PLS3: variants seen among roughly 807,000 people sequenced by gnomAD.
The protein encoded by PLS3 is plastin 3.
A neutral mutation model predicts 46.5 loss-of-function variants in PLS3; 11 were observed. The ratio of observed to expected loss-of-function variants is 0.24; its 90% CI spans 0.15 to 0.39. PLS3 has a LOEUF of 0.39. Among genes scored for constraint, PLS3 ranks in the 10% least tolerant of loss-of-function variants. The pLI, the probability that PLS3 is intolerant of heterozygous loss-of-function variation, is 1.00. For missense variants in PLS3, 308 were observed against 461.8 expected, an observed-to-expected ratio of 0.67 and a Z score of 3.05; for synonymous variants, 167 against 162.2, an observed-to-expected ratio of 1.03 and a Z score of -0.22.
At chrX:115,599,127 T>A (rs1453326570) in intron 1 of PLS3, among the ~76,000 whole-genome samples, 1 of 110,313 alleles carries the variant, frequency 9.1e-6, no homozygotes, top group African/African-American at 3.3e-5. Flanking sequence ...TAAGTTATTT[T>A]CCAAAGGCTA....
chrX:115,637,010 G>T, intron 8 of PLS3, 32 bp downstream of exon 8: 1 of 1,168,140 alleles, frequency 8.6e-7, no homozygotes, highest in Non-Finnish European at 1.2e-6. Flanking sequence ...ACATTTTGGG[G>T]GGATATAATA....
chrX:115,647,603 A>C lies in PLS3; in HGVS notation c.1565A>C (p.Asp522Ala). The C allele has an allele frequency of 8.4e-7, 1 of 1,196,783 alleles. No homozygotes were observed. Among genetic ancestry groups the C allele is most frequent in the Non-Finnish European group, 1.1e-6 (1 of 881,773 alleles). ...GGAGATGGTCAGAAAGCCAATGACGACATCATTGTGAACTGGGTGAACAGA... is the reference window on the plus strand; with the variant it reads ...GGAGATGGTCAGAAAGCCAATGACGCCATCATTGTGAACTGGGTGAACAGA... ...DLGDGQKAND[D>A]IIVNWVNRTL... The change falls in exon 14 of 16, where the codon GAC becomes GCC. Residue 522 changes from aspartate to alanine, a missense_variant. This residue lies in a region of PLS3 where 271 missense variants were observed against 435.7 expected (regional missense o/e 0.62). Coordinates refer to ENST00000355899, the MANE Select transcript of PLS3 (RefSeq NM_005032.7).
chrX:115,634,928 T>C lies in PLS3; in HGVS notation c.630T>C (p.His210=), dbSNP rs1308669620. ...ACTCTGCTTCTGCCATTGGGTGTCA[T>C]GTTGTGAACATTGGTGCAGAAGATT... ...ALNSASAIGC[H]VVNIGAEDLR... is the part of the protein sequence containing the mutation. Residue 210 remains histidine, a synonymous_variant, in exon 7 of 16, where the codon CAT becomes CAC. Coordinates refer to ENST00000355899, the MANE Select transcript of PLS3 (RefSeq NM_005032.7). 2 of 1,209,104 alleles carry C rather than the reference T, an allele frequency of 1.7e-6. No individual in the cohort carries two copies. Among genetic ancestry groups the C allele is most frequent in the East Asian group, 3.0e-5 (1 of 33,753 alleles).
At position 115,644,987 on chromosome X, in the gene PLS3, A is replaced by G. The variant is rs782187635; in HGVS notation, c.1184-34A>G. 19 of 886,220 alleles carry G rather than the reference A, an allele frequency of 2.1e-5. No homozygotes were observed. The South Asian group carries it at 3.0e-4, about 14-fold the overall frequency. 73.0% of individuals were successfully genotyped at this position (886,220 alleles called of 1,213,427 possible). A position where few individuals can be genotyped will look rare whatever the true frequency, so the allele number is the denominator to read the frequency against. ...TATATGCACATACATAAAGTGTTTA[A>G]TGAATCAGTAAATTTTGTGAATATT... On this transcript the variant is annotated intron_variant, in intron 10 of 15. Coordinates refer to ENST00000355899, the MANE Select transcript of PLS3 (RefSeq NM_005032.7).
At chrX:115,588,154 A>G (rs782093262) in intron 1 of PLS3, among the ~76,000 whole-genome samples, 2 of 112,695 alleles carry the variant, frequency 1.8e-5, no homozygotes, top group Non-Finnish European at 3.7e-5. Context: ...ACAGACAAAT[A>G]GATTTTGAAA....
At chrX:115,588,700 T>C (rs1556632730) in intron 1 of PLS3, among the ~76,000 whole-genome samples, 1 of 110,887 alleles carries the variant, frequency 9.0e-6, no homozygotes. Flanking sequence ...GTTTCCCTCC[T>C]TATCCCTTTG....
chrX:115,595,587 G>T (rs1556633720), intron 1 of PLS3, among the ~76,000 whole-genome samples: 1 of 110,144 alleles, frequency 9.1e-6, no homozygotes. Flanking sequence ...TGGGTTTATG[G>T]GTGTTTTTTG....
At chrX:115,613,249 A>G (rs1366500040) in intron 2 of PLS3, among the ~76,000 whole-genome samples, 1 of 111,441 alleles carries the variant, frequency 9.0e-6, no homozygotes, top group Non-Finnish European at 1.9e-5. Context: ...GGTTTCTTAA[A>G]TGACTAGGAA....
At chrX:115,625,411 T>A (rs782650043) in intron 3 of PLS3, among the ~76,000 whole-genome samples, 1 of 110,674 alleles carries the variant, frequency 9.0e-6, no homozygotes, top group African/African-American at 3.3e-5. Context: ...CCCTGCTTTT[T>A]AAAATTCTAA....
intron 8 of PLS3, 148 bp downstream of exon 8, chrX:115,637,126 C>A: frequency 4.0e-6 from 2 of 506,163 alleles, no homozygotes; most frequent in Non-Finnish European, 3.2e-6. Flanking sequence ...AGTAATAGAG[C>A]CAGATAAGGT....
chrX:115,575,520 T>C lies in PLS3; in HGVS notation c.-9+14260T>C, dbSNP rs912428229. On this transcript the variant is annotated intron_variant, in intron 1 of 15. Coordinates refer to ENST00000355899, the MANE Select transcript of PLS3 (RefSeq NM_005032.7). ...GTGCAGTGGCACCATCTCGGCTCAC[T>C]GCAAGCTCCGCCTCCCGGGTTCACG... Among the ~76,000 whole-genome samples, 13 of 112,049 alleles carry C rather than the reference T, an allele frequency of 1.2e-4. No homozygotes were observed. In the East Asian group the frequency reaches 3.7e-3, roughly 32 times the overall value.
At chrX:115,641,225 C>CTTTTT (rs35431475) in intron 9 of PLS3, among the ~76,000 whole-genome samples, 14 of 82,379 alleles carry the variant, frequency 1.7e-4, no homozygotes, top group Non-Finnish European at 2.5e-4. Flanking sequence ...TCTTCTCTTT[C>CTTTTT]TTTTTTTTTT....
At chrX:115,604,902 A>G (rs1556635083) in intron 1 of PLS3, among the ~76,000 whole-genome samples, 1 of 112,050 alleles carries the variant, frequency 8.9e-6, no homozygotes, top group African/African-American at 3.2e-5. Context: ...GACACCATCA[A>G]GTACCTATGA....
At chrX:115,586,862 G>A (rs1488866879) in intron 1 of PLS3, among the ~76,000 whole-genome samples, 2 of 111,409 alleles carry the variant, frequency 1.8e-5, no homozygotes, top group African/African-American at 3.3e-5. Context: ...CAGTTCAAAA[G>A]TACAGAACTC....
intron 2 of PLS3, chrX:115,610,838 G>A (rs2074541500): frequency 1.8e-6 from 2 of 1,093,617 alleles, no homozygotes; most frequent in Admixed American, 5.7e-5. Flanking sequence ...TATAGCTTCA[G>A]TATAAGATGA....
At chrX:115,611,702 C>T (rs1556636143) in intron 2 of PLS3, among the ~76,000 whole-genome samples, 2 of 111,605 alleles carry the variant, frequency 1.8e-5, no homozygotes, top group African/African-American at 3.2e-5. Context: ...GAAATAATTA[C>T]GTGCAATATT....
intron 1 of PLS3, among the ~76,000 whole-genome samples, chrX:115,594,081 C>T (rs2074364925): frequency 9.0e-6 from 1 of 111,447 alleles, no homozygotes; most frequent in Admixed American, 9.6e-5. Context: ...AGGTGGCTGT[C>T]ATGACAGAAC....
chrX:115,582,366 G>T (rs2074283999), intron 1 of PLS3, among the ~76,000 whole-genome samples: 1 of 112,003 alleles, frequency 8.9e-6, no homozygotes, highest in African/African-American at 3.2e-5. Context: ...AGCTGTACCA[G>T]GTAACAGATT....
chrX:115,625,605 AAAG>A (rs1556638377), intron 3 of PLS3, among the ~76,000 whole-genome samples: 2 of 110,338 alleles, frequency 1.8e-5, no homozygotes, highest in East Asian at 2.8e-4. Context: ...AAAAAAAAAA[AAAG>A]AAGTTATGTT....
Sources: allele counts gnomAD v4.1 joint callset (sites outside exome capture counted in the v4.1 genomes callset), GRCh38; gene constraint gnomAD v4.1.1; regional missense constraint gnomAD v4.1.1; transcripts MANE v1.5; gene names NCBI Gene and HGNC (gene_info 2026-07-23, HGNC 2026-07-21).